The following RAD21L1 variants were observed in gnomAD, a reference collection of about 807,000 sequenced individuals.
RAD21L1 encodes the protein RAD21 cohesin complex component like 1.
A neutral mutation model predicts 69.0 loss-of-function variants in RAD21L1; 47 were observed. The observed-to-expected ratio is 0.68, with a 90% confidence interval of 0.54 to 0.87. RAD21L1 has a LOEUF of 0.87. Ranked by LOEUF, RAD21L1 falls within the 40% of genes least tolerant of loss-of-function variation. The probability of loss-of-function intolerance (pLI) is 0.00; values close to 1 mark genes in which losing one functional copy is unlikely to be tolerated. For missense variants in RAD21L1, 583 were observed against 647.6 expected (o/e 0.90, Z 1.08); for synonymous variants, 177 against 205.8 (o/e 0.86, Z 1.20).
chr20:1,254,553 G>A lies in RAD21L1; in HGVS notation c.*96G>A, dbSNP rs1231297606. 1.3e-6 allele frequency: 1 copy of A among 796,006 alleles called. No homozygotes were observed. Among genetic ancestry groups the A allele is most frequent in the East Asian group, 3.0e-5 (1 of 33,812 alleles). The allele number at this position is 796,006 out of a possible 1,614,324, so 49.3% of individuals were successfully genotyped here. A position where few individuals can be genotyped will look rare whatever the true frequency, so the allele number is the denominator to read the frequency against. On this transcript the variant is annotated 3_prime_UTR_variant, in exon 14 of 14. Coordinates refer to ENST00000683101, the MANE Select transcript of RAD21L1 (RefSeq NM_001384355.1). ...GCCATCTGGAAGCAGCTGAAGGTCT[G>A]ATCCATTTCATAGATAGGCTGACCT... is the stretch of plus-strand genomic sequence containing the variant.
intron 8 of RAD21L1, among the ~76,000 whole-genome samples, chr20:1,240,990 T>A (rs2122833036): frequency 6.6e-6 from 1 of 152,348 alleles, no homozygotes; most frequent in Admixed American, 6.5e-5. Flanking sequence ...TACCTCTGAC[T>A]TGCCCTTGAA....
chr20:1,227,565 A>C (rs954745393), intron 1 of RAD21L1, among the ~76,000 whole-genome samples: 1 of 152,246 alleles, frequency 6.6e-6, no homozygotes, highest in Non-Finnish European at 1.5e-5. Flanking sequence ...CCATAGTGGC[A>C]GTGTAAGATT....
intron 4 of RAD21L1, 135 bp from the exon 5 acceptor site, chr20:1,233,950 T>G: frequency 1.9e-6 from 1 of 537,762 alleles, no homozygotes; most frequent in East Asian, 3.0e-5. Context: ...CATGTATATA[T>G]AATAAACTAG....
Position 1,238,031 on chromosome 20 carries a change from T to C in RAD21L1, c.476-13T>C, listed in dbSNP as rs747659466. 16 of 1,385,590 alleles carry C rather than the reference T, an allele frequency of 1.2e-5. No individual in the cohort carries two copies. The South Asian group carries it at 2.1e-4, about 18-fold the overall frequency. The allele number at this position is 1,385,590 out of a possible 1,614,324, so 85.8% of individuals were successfully genotyped here. ...TTTCTATGAATTAGTATTAATGATA[T>C]ATATTTATTTAGGGGAGGAATCTGA... On this transcript the variant is annotated splice_polypyrimidine_tract_variant and intron_variant, in intron 5 of 13. Coordinates refer to ENST00000683101, the MANE Select transcript of RAD21L1 (RefSeq NM_001384355.1).
At position 1,242,619 on chromosome 20, in the gene RAD21L1, A is replaced by G. The variant is rs758096550; in HGVS notation, c.857A>G (p.Asp286Gly). The G allele has an allele frequency of 2.0e-5, 31 of 1,543,408 alleles. 1 individual carries two copies. In the South Asian group the frequency reaches 3.7e-4, roughly 18 times the overall value. Residue 286 changes from aspartate to glycine, a missense_variant and splice_region_variant, in exon 9 of 14, where the codon GAC becomes GGC. Physicochemically the swap from Asp to Gly is moderately conservative, Grantham distance 94. Transcript: ENST00000683101. ...CATTTGTGCTATTTCTTATATTTAG[A>G]CATTGCTGAGAAAAGGAAAGGCAAA... ...GFTLDPIDIS[D>G]IAEKRKGKKR...
chr20:1,226,689 T>C (rs1321717129), intron 1 of RAD21L1, among the ~76,000 whole-genome samples: 3 of 151,832 alleles, frequency 2.0e-5, no homozygotes, highest in Admixed American at 6.5e-5. Flanking sequence ...CCCATCCCGG[T>C]GGCTTCACGT....
chr20:1,228,138 A>T (rs1291130591), intron 1 of RAD21L1, among the ~76,000 whole-genome samples: 1 of 152,164 alleles, frequency 6.6e-6, no homozygotes. Flanking sequence ...GAGAACTCAA[A>T]TCCTTTTTTG....
At position 1,238,087 on chromosome 20, in the gene RAD21L1, C is replaced by G. The variant is rs1293327649; in HGVS notation, c.519C>G (p.Asp173Glu). ...TCAGAAGACATAGCTTCTTTGATGACAACATATTACTGAATTCCAGTGGTC... is the reference window on the plus strand; with the variant it reads ...TCAGAAGACATAGCTTCTTTGATGAGAACATATTACTGAATTCCAGTGGTC... ...EILRRHSFFD[D>E]NILLNSSGPL... The change falls in exon 6 of 14, where the codon GAC becomes GAG. Residue 173 changes from aspartate (D) to glutamate (E), a missense_variant. Transcript: ENST00000683101. The G allele has an allele frequency of 6.5e-6, 10 of 1,538,068 alleles. No homozygotes were observed. Among genetic ancestry groups the G allele is most frequent in the Non-Finnish European group, 8.8e-6 (10 of 1,137,638 alleles).
At position 1,246,207 on chromosome 20, in the gene RAD21L1, C is replaced by T. The variant is rs2122134763; in HGVS notation, c.1309-6C>T. ...TTACCTAACTTTCCCTAATTTGCTT[C>T]AGCAGGATATTGTTGAAATGGTGTC... On this transcript the variant is annotated splice_polypyrimidine_tract_variant and splice_region_variant and intron_variant, in intron 11 of 13. Coordinates refer to ENST00000683101, the MANE Select transcript of RAD21L1 (RefSeq NM_001384355.1). This position sits in a 1 kb window ranked among gnomAD's most constrained non-coding sequence, Gnocchi z 4.6. 1 of 1,513,658 alleles carries T rather than the reference C, an allele frequency of 6.6e-7. No homozygotes were observed. The highest frequency in any genetic ancestry group is 2.3e-5 in the Admixed American group (1 of 44,402). The allele number at this position is 1,513,658 out of a possible 1,614,324, so 93.8% of individuals were successfully genotyped here.
chr20:1,245,356 A>G (rs1265849708), intron 11 of RAD21L1, among the ~76,000 whole-genome samples: 1 of 152,196 alleles, frequency 6.6e-6, no homozygotes, highest in Non-Finnish European at 1.5e-5. Context: ...TATATACCAT[A>G]CCTGCAAAAT....
Position 1,240,320 on chromosome 20 carries a change from G to A in RAD21L1, c.743-1G>A, listed in dbSNP as rs976067463. 1.6e-5 allele frequency: 25 copies of A among 1,530,678 alleles called. 1 individual carries two copies. In the African/African-American group the frequency reaches 1.8e-4, roughly 11 times the overall value. The allele number at this position is 1,530,678 out of a possible 1,614,324, so 94.8% of individuals were successfully genotyped here. A position where few individuals can be genotyped will look rare whatever the true frequency, so the allele number is the denominator to read the frequency against. On this transcript the variant is annotated splice_acceptor_variant, in intron 7 of 13. Coordinates refer to ENST00000683101, the MANE Select transcript of RAD21L1 (RefSeq NM_001384355.1). LOFTEE classifies it high-confidence loss of function. ...ATTACTTTTATGTGGATGTTGATTA[G>A]TTGAACCAGATAACTCAGAGTGTAT...
rs183605137 is a variant in RAD21L1 at position 1,244,383 on chromosome 20, T to C, written c.1308+213T>C. 4.3e-3 allele frequency among the ~76,000 whole-genome samples: 660 copies of C among 152,266 alleles called. 5 individuals are homozygous for C. The highest frequency in any genetic ancestry group is 6.6e-3 in the Non-Finnish European group (446 of 68,020). Reference sequence around the variant, plus strand: ...GGATGTAAATTGCAAGATAAGGTGGTTTCATACCAAGCTAGTATTTTGCAT... The same window carrying C: ...GGATGTAAATTGCAAGATAAGGTGGCTTCATACCAAGCTAGTATTTTGCAT... On this transcript the variant is annotated intron_variant, in intron 11 of 13. Coordinates refer to ENST00000683101, the MANE Select transcript of RAD21L1 (RefSeq NM_001384355.1).
intron 2 of RAD21L1, 112 bp downstream of exon 2, chr20:1,228,709 A>T: frequency 1.3e-6 from 1 of 783,792 alleles, no homozygotes; most frequent in East Asian, 3.0e-5. Flanking sequence ...TTACTTGTCA[A>T]ATGGTCTTTC....
rs530261405 is a variant in RAD21L1 at position 1,236,115 on chromosome 20, GTTGT to G, written c.476-1910_476-1907del. Among the ~76,000 whole-genome samples, 10 of 152,138 alleles carry G rather than the reference GTTGT, an allele frequency of 6.6e-5. No homozygotes were observed. In the South Asian group the frequency reaches 8.3e-4, roughly 13 times the overall value. On this transcript the variant is annotated intron_variant, in intron 5 of 13. Coordinates refer to ENST00000683101, the MANE Select transcript of RAD21L1 (RefSeq NM_001384355.1). ...TCTGTCAGCTTCATACTAGTGCTGG[GTTGT>G]TTGTTTGTTTGTTTGTTTTTTAATT... is the stretch of plus-strand genomic sequence containing the variant.
rs755837382 is a variant in RAD21L1 at position 1,234,165 on chromosome 20, A to T, written c.449A>T (p.Asp150Val). ...ACTCTTAGAGAAAATTTTGACAATG[A>T]TCTAATTTTCCAAGCTGAGAGCTTT... ...EITLRENFDN[D>V]LIFQAESFGE... Residue 150 changes from aspartate to valine, a missense_variant, in exon 5 of 14, where the codon GAT becomes GTT. Coordinates refer to ENST00000683101, the MANE Select transcript of RAD21L1 (RefSeq NM_001384355.1). The T allele has an allele frequency of 1.9e-4, 284 of 1,531,750 alleles. 1 individual carries two copies. The highest frequency in any genetic ancestry group is 1.5e-3 in the South Asian group (121 of 83,382). 94.9% of individuals were successfully genotyped at this position (1,531,750 alleles called of 1,614,324 possible). A position where few individuals can be genotyped will look rare whatever the true frequency, so the allele number is the denominator to read the frequency against.
In RAD21L1 at chr20:1,254,963, G is replaced by A. The variant is rs931633609; in HGVS notation, c.*506G>A. On this transcript the variant is annotated 3_prime_UTR_variant, in exon 14 of 14. Transcript: ENST00000683101. ...GACATTCAAAGATGTTTCTTAAAAG[G>A]CTATTTTACATTGGAGTATTTACTT... 1.1e-4 allele frequency among the ~76,000 whole-genome samples: 17 copies of A among 152,198 alleles called. No homozygotes were observed. The highest frequency in any genetic ancestry group is 4.1e-4 in the African/African-American group (17 of 41,520).
chr20:1,254,248 C>T (rs1193880025), intron 13 of RAD21L1, 21 bp from the exon 14 acceptor site: 11 of 1,414,568 alleles, frequency 7.8e-6, no homozygotes, highest in Admixed American at 2.6e-5. Flanking sequence ...TTTCTTTTTT[C>T]TTTTCTAATT....
Position 1,246,174 on chromosome 20 carries a change from T to G in RAD21L1, c.1309-39T>G. ...AATTAGATTGTTCCTGTATAACCAC[T>G]GGCAGATTTACCTAACTTTCCCTAA... On this transcript the variant is annotated intron_variant, in intron 11 of 13. Coordinates refer to ENST00000683101, the MANE Select transcript of RAD21L1 (RefSeq NM_001384355.1). The surrounding 1 kb of genome is among the most constrained non-coding windows in gnomAD (Gnocchi z 4.6). 8.9e-7 allele frequency: 1 copy of G among 1,124,528 alleles called. No homozygotes were observed. The highest frequency in any genetic ancestry group is 1.3e-6 in the Non-Finnish European group (1 of 781,832). The allele number at this position is 1,124,528 out of a possible 1,614,324, so 69.7% of individuals were successfully genotyped here.
At chr20:1,239,798 T>C (rs1233772474) in intron 7 of RAD21L1, among the ~76,000 whole-genome samples, 1 of 152,204 alleles carries the variant, frequency 6.6e-6, no homozygotes, top group East Asian at 1.9e-4. Flanking sequence ...ATTTGAGGTA[T>C]TTTAGTCTGA....
Sources: gnomAD v4.1 joint callset for allele counts (sites outside exome capture counted in the v4.1 genomes callset) on GRCh38, gnomAD v4.1.1 for gene constraint, Gnocchi (gnomAD v3.1) non-coding constraint, MANE v1.5 for transcripts, NCBI Gene and HGNC (gene_info 2026-07-23, HGNC 2026-07-21) for gene names.